LRRC4B: variants seen among roughly 807,000 people sequenced by gnomAD.
LRRC4B encodes leucine-rich repeat-containing protein 4B.
A neutral mutation model predicts 7.3 loss-of-function variants in LRRC4B; 1 was observed. That is an observed-to-expected ratio of 0.14 (90% CI 0.05 to 0.65). LRRC4B has a LOEUF of 0.65. LRRC4B is among the 30% of genes least tolerant of loss of function. The pLI is 0.84. For missense variants in LRRC4B, 730 were observed against 1,041.6 expected, an observed-to-expected ratio of 0.70 and a Z score of 4.12; for synonymous variants, 500 against 499.2, an observed-to-expected ratio of 1.00 and a Z score of -0.02.
At chr19:50,531,350 G>A (rs1981051738) in intron 2 of LRRC4B, among the ~76,000 whole-genome samples, 1 of 152,250 alleles carries the variant, frequency 6.6e-6, no homozygotes, top group African/African-American at 2.4e-5. Context: ...AAGTCTCCTT[G>A]GTGCCTCTGG....
At chr19:50,532,023 G>A (rs935786698) in intron 2 of LRRC4B, among the ~76,000 whole-genome samples, 1 of 152,136 alleles carries the variant, frequency 6.6e-6, no homozygotes, top group Admixed American at 6.5e-5. Flanking sequence ...AGGAGTTCGA[G>A]ACCAGCCTGT....
Position 50,548,443 on chromosome 19 carries a change from G to A in LRRC4B, c.297+99C>T, listed in dbSNP as rs1981904737. Reference sequence around the variant, plus strand: ...CACATCCACAGGTGCCGGAGACGGGGAAGCCCCGGTGTGGGGAGGCCCAGA... The same window carrying A: ...CACATCCACAGGTGCCGGAGACGGGAAAGCCCCGGTGTGGGGAGGCCCAGA... On this transcript the variant is annotated intron_variant, in intron 2 of 2. Transcript: ENST00000652263. This position sits in a 1 kb window ranked among gnomAD's most constrained non-coding sequence, Gnocchi z 6.8. 6.8e-7 allele frequency: 1 copy of A among 1,472,430 alleles called. No individual in the cohort carries two copies. The allele number at this position is 1,472,430 out of a possible 1,614,324, so 91.2% of individuals were successfully genotyped here.
chr19:50,546,689 G>A (rs527319005), intron 2 of LRRC4B, among the ~76,000 whole-genome samples: 191 of 152,252 alleles, frequency 1.3e-3, no homozygotes, highest in African/African-American at 4.3e-3. Context: ...ATGTACGTCC[G>A]CTGGTGGCGC....
rs907378257 is a variant in LRRC4B at position 50,524,176 on chromosome 19, TC to T, written c.298-4762del. Among the ~76,000 whole-genome samples, 141 of 152,206 alleles carry T rather than the reference TC, an allele frequency of 9.3e-4. 1 individual carries two copies. Among genetic ancestry groups the T allele is most frequent in the South Asian group, 4.1e-4 (2 of 4,836 alleles). On this transcript the variant is annotated intron_variant, in intron 2 of 2. Transcript: ENST00000652263. ...GGTAGAATCTGTGGCATAGGCAGAA[TC>T]ATAAAATAATAATAATGTATGTCGG...
At chr19:50,539,989 G>A (rs1981471614) in intron 2 of LRRC4B, among the ~76,000 whole-genome samples, 1 of 151,832 alleles carries the variant, frequency 6.6e-6, no homozygotes, top group South Asian at 2.1e-4. Context: ...CTAATGCAAA[G>A]AGAAAAGACC....
intron 1 of LRRC4B, among the ~76,000 whole-genome samples, chr19:50,551,824 C>A (rs1279599977): frequency 6.6e-6 from 1 of 151,742 alleles, no homozygotes; most frequent in Non-Finnish European, 1.5e-5. Context: ...TCTAGTCACA[C>A]GGCAGTGCAG....
At chr19:50,522,283 A>G (rs1980614125) in intron 2 of LRRC4B, among the ~76,000 whole-genome samples, 1 of 152,136 alleles carries the variant, frequency 6.6e-6, no homozygotes, top group Non-Finnish European at 1.5e-5. Context: ...TTTGTGGGTA[A>G]TAACTCTTTT....
At chr19:50,524,639 ATATTTATTTAG>A (rs1402172577) in intron 2 of LRRC4B, among the ~76,000 whole-genome samples, 1 of 152,196 alleles carries the variant, frequency 6.6e-6, no homozygotes, top group Non-Finnish European at 1.5e-5. Flanking sequence ...CTTTACTAAT[ATATTTATTTAG>A]CTCAACAGGT....
At chr19:50,543,008 G>A (rs1054300826) in intron 2 of LRRC4B, among the ~76,000 whole-genome samples, 3 of 152,134 alleles carry the variant, frequency 2.0e-5, no homozygotes, top group African/African-American at 7.2e-5. Flanking sequence ...AGGAGTCTCT[G>A]AGCCACCCCC....
intron 2 of LRRC4B, among the ~76,000 whole-genome samples, chr19:50,521,749 G>A (rs1354155810): frequency 2.0e-5 from 3 of 151,654 alleles, no homozygotes; most frequent in East Asian, 3.9e-4. Flanking sequence ...TAGTAGAGAC[G>A]GGGTTTCCCC....
At chr19:50,557,021 G>A (rs550873938) in intron 1 of LRRC4B, among the ~76,000 whole-genome samples, 153 of 152,150 alleles carry the variant, frequency 1.0e-3, no homozygotes, top group Non-Finnish European at 1.8e-3. Flanking sequence ...GGTGGGTGAA[G>A]GACCCCTCTG....
At chr19:50,528,615 G>A (rs1980921083) in intron 2 of LRRC4B, among the ~76,000 whole-genome samples, 1 of 152,212 alleles carries the variant, frequency 6.6e-6, no homozygotes, top group Non-Finnish European at 1.5e-5. Flanking sequence ...AAAGTGCTGC[G>A]ATGACGGGCG....
chr19:50,524,500 C>T (rs1004822426), intron 2 of LRRC4B, among the ~76,000 whole-genome samples: 3 of 152,096 alleles, frequency 2.0e-5, no homozygotes, highest in Non-Finnish European at 4.4e-5. Context: ...GCGATCCTCC[C>T]GTCTCAGCCT....
Position 50,548,563 on chromosome 19 carries a change from G to A in LRRC4B, c.276C>T (p.Asn92=). ...ASIPVNTRYL[N]LQENGIQVIR... ...ATACCTGGATGCCGTTCTCTTGCAG[G>A]TTCAGGTACCGCGTGTTGACCGGGA... The change falls in exon 2 of 3, where the codon AAC becomes AAT. Residue 92 remains asparagine (N), a synonymous_variant. Coordinates refer to ENST00000652263, the MANE Select transcript of LRRC4B (RefSeq NM_001080457.2). The surrounding 1 kb of genome is among the most constrained non-coding windows in gnomAD (Gnocchi z 6.8). 3.1e-6 allele frequency: 5 copies of A among 1,600,294 alleles called. No individual in the cohort carries two copies. Among genetic ancestry groups the A allele is most frequent in the Non-Finnish European group, 3.4e-6 (4 of 1,178,506 alleles).
At position 50,548,672 on chromosome 19, in the gene LRRC4B, G is replaced by A; in HGVS notation, c.167C>T (p.Ser56Phe). 6.4e-7 allele frequency: 1 copy of A among 1,558,870 alleles called. No homozygotes were observed. The highest frequency in any genetic ancestry group is 8.7e-7 in the Non-Finnish European group (1 of 1,155,060). ...AAGGGSPPAT[S>F]CPVACSCSNQ... ...GCTGCAGGAGCAGGCCACGGGGCAG[G>A]AGGTGGCCGGCGGGGAGCCCCCTCC... is the stretch of plus-strand genomic sequence containing the variant. The change falls in exon 2 of 3, where the codon TCC (serine) becomes TTC (phenylalanine). Residue 56 changes from serine to phenylalanine, a missense_variant. By Grantham distance (155) the Ser-to-Phe change is radical. Coordinates refer to ENST00000652263, the MANE Select transcript of LRRC4B (RefSeq NM_001080457.2). The surrounding 1 kb of genome is among the most constrained non-coding windows in gnomAD (Gnocchi z 6.8).
chr19:50,523,668 C>G (rs10414135), intron 2 of LRRC4B, among the ~76,000 whole-genome samples: 51,006 of 134,084 alleles, frequency 0.38, 8,690 homozygotes, highest in Middle Eastern at 0.47. Flanking sequence ...ATCTTAAAAA[C>G]AAAAAAGAGG....
At chr19:50,564,883 C>G (rs561584722) in intron 1 of LRRC4B, among the ~76,000 whole-genome samples, 57 of 152,050 alleles carry the variant, frequency 3.7e-4, no homozygotes, top group Non-Finnish European at 6.0e-4. Flanking sequence ...CCACCCCCGC[C>G]CCCAATCCCC....
chr19:50,532,984 A>G (rs1212806305), intron 2 of LRRC4B, among the ~76,000 whole-genome samples: 1 of 152,098 alleles, frequency 6.6e-6, no homozygotes, highest in Non-Finnish European at 1.5e-5. Flanking sequence ...TCTGCTTCCA[A>G]CCTATTCTGC....
intron 1 of LRRC4B, among the ~76,000 whole-genome samples, chr19:50,557,421 T>G (rs1455141483): frequency 6.6e-6 from 1 of 152,086 alleles, no homozygotes; most frequent in African/African-American, 2.4e-5. Flanking sequence ...TCCCGTCCAG[T>G]CCCTGGCTGT....
Sources: allele counts gnomAD v4.1 joint callset (sites outside exome capture counted in the v4.1 genomes callset), GRCh38; gene constraint gnomAD v4.1.1; non-coding constraint Gnocchi (gnomAD v3.1); transcripts MANE v1.5; gene names NCBI Gene and HGNC (gene_info 2026-07-23, HGNC 2026-07-21).